Variants in FAAH2 observed in about 807,000 individuals in gnomAD.
FAAH2 encodes fatty acid amide hydrolase 2.
Under a neutral mutation model 36.9 loss-of-function variants are expected in FAAH2, and 60 were observed. The ratio of observed to expected loss-of-function variants is 1.63; its 90% CI spans 1.32 to 2.02. The LOEUF is 2.02. FAAH2 is among the 30% of genes most tolerant of loss of function. The pLI is 0.00. For synonymous variants in FAAH2, 214 were observed against 143.8 expected, an observed-to-expected ratio of 1.49 and a Z score of -3.49; for missense variants, 689 against 397.5, an observed-to-expected ratio of 1.73 and a Z score of -6.23.
chrX:57,226,135 A>G, the FAAH2 span, among the ~76,000 whole-genome samples: 2 of 112,013 alleles, frequency 1.8e-5, no homozygotes, highest in Non-Finnish European at 3.8e-5. Flanking sequence ...ATTTACATTC[A>G]ATGTTAGTAT....
At chrX:57,166,207 T>G in the FAAH2 span, among the ~76,000 whole-genome samples, 1 of 110,089 alleles carries the variant, frequency 9.1e-6, no homozygotes, top group Non-Finnish European at 1.9e-5. Context: ...TGGCTTTCCA[T>G]CCTTCTGCTG....
chrX:57,424,702 A>G (rs986037672), intron 7 of FAAH2, among the ~76,000 whole-genome samples: 1 of 112,360 alleles, frequency 8.9e-6, no homozygotes, highest in African/African-American at 3.2e-5. Flanking sequence ...AACAAACATT[A>G]TAGTCATATC....
chrX:57,217,247 GTT>G, the FAAH2 span, among the ~76,000 whole-genome samples: 1 of 96,670 alleles, frequency 1.0e-5, no homozygotes. Context: ...TTTGACGACT[GTT>G]TTTTTTTTTT....
chrX:57,272,644 T>G, the FAAH2 span, among the ~76,000 whole-genome samples: 1 of 112,036 alleles, frequency 8.9e-6, no homozygotes, highest in East Asian at 2.8e-4. Context: ...GAATTTCATA[T>G]CTAGCCAAAC....
chrX:57,126,133 T>C, the FAAH2 span, among the ~76,000 whole-genome samples: 1 of 112,543 alleles, frequency 8.9e-6, no homozygotes, highest in Non-Finnish European at 1.9e-5. Flanking sequence ...ATCTGTTGTC[T>C]AAAAAGTTAA....
intron 5 of FAAH2, among the ~76,000 whole-genome samples, chrX:57,367,279 T>C (rs1398453706): frequency 8.9e-6 from 1 of 112,231 alleles, no homozygotes; most frequent in East Asian, 2.8e-4. Context: ...ATAATAATGC[T>C]AAGATATAAT....
intron 2 of FAAH2, among the ~76,000 whole-genome samples, chrX:57,307,236 T>A (rs1041017387): frequency 9.3e-6 from 1 of 107,167 alleles, no homozygotes; most frequent in Non-Finnish European, 1.9e-5. Context: ...ATTAGTAGTA[T>A]CAGTGATAGT....
the FAAH2 span, among the ~76,000 whole-genome samples, chrX:57,263,480 C>T: frequency 9.0e-4 from 100 of 111,600 alleles, no homozygotes; most frequent in African/African-American, 3.1e-3. Context: ...GCCACATTCA[C>T]GATTGGAAGA....
At chrX:57,236,259 G>T in the FAAH2 span, among the ~76,000 whole-genome samples, 1 of 112,224 alleles carries the variant, frequency 8.9e-6, no homozygotes, top group Non-Finnish European at 1.9e-5. Context: ...GGACACTTAG[G>T]TTGATTCCTT....
At chrX:57,479,188 T>A (rs1369189691) in intron 10 of FAAH2, among the ~76,000 whole-genome samples, 3 of 111,499 alleles carry the variant, frequency 2.7e-5, no homozygotes, top group Non-Finnish European at 5.6e-5. Context: ...TAGTTCTCCT[T>A]GAAGAGGTCC....
At chrX:57,246,859 T>C in the FAAH2 span, among the ~76,000 whole-genome samples, 1 of 111,594 alleles carries the variant, frequency 9.0e-6, no homozygotes, top group African/African-American at 3.3e-5. Context: ...ATCACTGCAA[T>C]TTTTAGTGGG....
intron 3 of FAAH2, among the ~76,000 whole-genome samples, chrX:57,325,582 C>T (rs1009589375): frequency 4.7e-5 from 5 of 106,852 alleles, no homozygotes; most frequent in South Asian, 8.6e-4. Flanking sequence ...GTGTAGGTGT[C>T]GAGGAATTTA....
chrX:57,272,723 G>T, the FAAH2 span, among the ~76,000 whole-genome samples: 2 of 112,071 alleles, frequency 1.8e-5, no homozygotes, highest in Non-Finnish European at 3.8e-5. Context: ...TTTTGTCACC[G>T]CTAGATCTGC....
At chrX:57,147,001 G>C in the FAAH2 span, among the ~76,000 whole-genome samples, 1 of 111,124 alleles carries the variant, frequency 9.0e-6, no homozygotes, top group African/African-American at 3.3e-5. Context: ...ATCTATATTA[G>C]TCAGGGATAT....
intron 7 of FAAH2, among the ~76,000 whole-genome samples, chrX:57,413,653 T>C (rs1055412589): frequency 2.7e-5 from 3 of 112,125 alleles, no homozygotes; most frequent in Non-Finnish European, 3.8e-5. Context: ...GTGTGATGCC[T>C]CCAGCTTTGT....
chrX:57,349,530 CAT>C (rs1422465131), intron 5 of FAAH2, among the ~76,000 whole-genome samples: 1 of 101,598 alleles, frequency 9.8e-6, no homozygotes, highest in Non-Finnish European at 2.0e-5. Flanking sequence ...GTTTTATACA[CAT>C]ATATATTTTA....
the FAAH2 span, among the ~76,000 whole-genome samples, chrX:57,223,649 G>T: frequency 9.0e-6 from 1 of 111,468 alleles, no homozygotes; most frequent in Non-Finnish European, 1.9e-5. Flanking sequence ...ATTAACAAAT[G>T]GACTTCACTC....
At chrX:57,394,907 A>G in intron 7 of FAAH2, 1 of 729,262 alleles carries the variant, frequency 1.4e-6, no homozygotes, top group Non-Finnish European at 2.2e-6. Flanking sequence ...ACTGCACCCA[A>G]CCACCACAGC....
At chrX:57,379,340 C>T (rs1027891479) in intron 6 of FAAH2, among the ~76,000 whole-genome samples, 24 of 111,376 alleles carry the variant, frequency 2.2e-4, no homozygotes, top group South Asian at 1.1e-3. Context: ...TTCTTACCAT[C>T]ACATTTTTCT....
Sources: gnomAD v4.1 joint callset for allele counts (sites outside exome capture counted in the v4.1 genomes callset) on GRCh38, gnomAD v4.1.1 for gene constraint, MANE v1.5 for transcripts, NCBI Gene and HGNC (gene_info 2026-07-23, HGNC 2026-07-21) for gene names.